The following DYSF variants were observed in gnomAD, a reference collection of about 807,000 sequenced individuals.
DYSF encodes the protein dysferlin.
In DYSF, 212 loss-of-function variants were observed where a neutral mutation model predicts 274.9. That is an observed-to-expected ratio of 0.77 (90% CI 0.69 to 0.86). DYSF has a LOEUF of 0.86. Among genes scored for constraint, DYSF ranks in the 40% least tolerant of loss-of-function variants. DYSF has a pLI of 0.00. For missense variants in DYSF, 2,666 were observed against 2,783.2 expected, an observed-to-expected ratio of 0.96 and a Z score of 0.95; for synonymous variants, 1,091 against 1,078.7, an observed-to-expected ratio of 1.01 and a Z score of -0.22.
chr2:71,465,476 C>T (rs951727832), upstream of DYSF, among the ~76,000 whole-genome samples: 2 of 152,102 alleles, frequency 1.3e-5, no homozygotes, highest in African/African-American at 4.8e-5. Context: ...TATGATTGCC[C>T]CCAGCAGTGA....
intron 42 of DYSF, among the ~76,000 whole-genome samples, chr2:71,653,628 G>A (rs1379677231): frequency 1.4e-5 from 2 of 138,486 alleles, no homozygotes; most frequent in Non-Finnish European, 3.0e-5. Context: ...CATGGACACA[G>A]GAAGGGGAAC....
At chr2:71,565,479 C>T (rs1218113627) in intron 24 of DYSF, among the ~76,000 whole-genome samples, 1 of 152,094 alleles carries the variant, frequency 6.6e-6, no homozygotes, top group African/African-American at 2.4e-5. Flanking sequence ...CAGCCTAGTC[C>T]ACCTCCCCAA....
intron 17 of DYSF, among the ~76,000 whole-genome samples, chr2:71,549,040 T>C (rs552210192): frequency 3.3e-5 from 5 of 152,198 alleles, no homozygotes; most frequent in African/African-American, 1.2e-4. Flanking sequence ...ATTCCTTGAG[T>C]GTATTGAATC....
At chr2:71,526,425 C>CTTGGGGGGGG in intron 13 of DYSF, 79 bp downstream of exon 13, 161 of 359,988 alleles carry the variant, frequency 4.5e-4, no homozygotes, top group Middle Eastern at 1.1e-3. Context: ...CGATGGCGGG[C>CTTGGGGGGGG]GGGGTCAGCT....
chr2:71,485,605 A>C (rs905844513), intron 3 of DYSF, among the ~76,000 whole-genome samples: 2 of 152,164 alleles, frequency 1.3e-5, no homozygotes, highest in Non-Finnish European at 2.9e-5. Context: ...AGGTACCTGC[A>C]AGGTAATTCT....
At chr2:71,659,098 CCTGGACA>C in intron 44 of DYSF, 65 bp downstream of exon 44, 1 of 1,604,782 alleles carries the variant, frequency 6.2e-7, no homozygotes, top group Non-Finnish European at 8.5e-7. Flanking sequence ...GCCTATAGAA[CCTGGACA>C]CAAACTCTGC....
intron 30 of DYSF, among the ~76,000 whole-genome samples, chr2:71,575,045 G>C (rs1030794562): frequency 6.6e-6 from 1 of 152,326 alleles, no homozygotes; most frequent in East Asian, 1.9e-4. Flanking sequence ...ATCCAGCCAG[G>C]ACTGGCACCT....
chr2:71,631,440 G>A (rs935812841), intron 41 of DYSF, among the ~76,000 whole-genome samples: 12 of 152,226 alleles, frequency 7.9e-5, no homozygotes, highest in African/African-American at 2.4e-4. Context: ...AATATCACCC[G>A]TTCAGAAGTG....
chr2:71,577,536 A>C (rs1354001285), intron 30 of DYSF, among the ~76,000 whole-genome samples: 2 of 135,882 alleles, frequency 1.5e-5, no homozygotes, highest in Non-Finnish European at 3.1e-5. Context: ...CCCCACTCTC[A>C]CACTAACACG....
At chr2:71,685,712 G>C (rs1301448810) in intron 55 of DYSF, among the ~76,000 whole-genome samples, 2 of 152,204 alleles carry the variant, frequency 1.3e-5, no homozygotes, top group East Asian at 3.9e-4. Context: ...GGGCCAGCGT[G>C]GGGAGGCAGG....
At chr2:71,469,879 C>T (rs1473324459) in intron 1 of DYSF, among the ~76,000 whole-genome samples, 1 of 152,156 alleles carries the variant, frequency 6.6e-6, no homozygotes. Context: ...CTTTTCTGCC[C>T]TGCCCATTTT....
In DYSF at chr2:71,570,671, A is replaced by G; in HGVS notation, c.3158A>G (p.Tyr1053Cys). Reference protein sequence around the residue: ...KHWVPAEKMYYTHRRRRWVRL... With the variant: ...KHWVPAEKMYCTHRRRRWVRL... ...TGGGTCCCTGCTGAGAAGATGTACT[A>G]CACACACCGACGGCGGCGCTGGGTG... The change falls in exon 29 of 56, where the codon TAC becomes TGC. Residue 1053 changes from tyrosine to cysteine, a missense_variant. By Grantham distance (194) the Tyr-to-Cys change is radical. Around this residue, in one of 3 missense-constraint regions of DYSF, gnomAD observed 1,460 missense variants for 1,502.1 expected, o/e 0.97. Coordinates refer to ENST00000410020, the MANE Select transcript of DYSF (RefSeq NM_001130987.2). The G allele has an allele frequency of 6.2e-7, 1 of 1,614,110 alleles. No homozygotes were observed. The highest frequency in any genetic ancestry group is 8.5e-7 in the Non-Finnish European group (1 of 1,179,992).
upstream of DYSF, among the ~76,000 whole-genome samples, chr2:71,462,090 G>T (rs1467251700): frequency 6.6e-6 from 1 of 152,118 alleles, no homozygotes; most frequent in African/African-American, 2.4e-5. Flanking sequence ...GGGCCCACTG[G>T]GCTCCTTCTG....
At chr2:71,652,860 C>T (rs1332015761) in intron 42 of DYSF, among the ~76,000 whole-genome samples, 2 of 152,158 alleles carry the variant, frequency 1.3e-5, no homozygotes, top group Non-Finnish European at 2.9e-5. Context: ...GCATATGACA[C>T]AAGTCATGGG....
At chr2:71,523,093 A>C (rs2087479865) in intron 12 of DYSF, among the ~76,000 whole-genome samples, 1 of 152,204 alleles carries the variant, frequency 6.6e-6, no homozygotes, top group Non-Finnish European at 1.5e-5. Flanking sequence ...GCCACAGTCC[A>C]GAATTGGCAC....
At chr2:71,505,538 C>T (rs747193650) in intron 4 of DYSF, among the ~76,000 whole-genome samples, 2 of 152,238 alleles carry the variant, frequency 1.3e-5, no homozygotes, top group Non-Finnish European at 2.9e-5. Context: ...AGGCTGACTG[C>T]AGACCCCGTT....
chr2:71,480,360 C>A (rs2082780140), intron 1 of DYSF, among the ~76,000 whole-genome samples: 1 of 145,914 alleles, frequency 6.9e-6, no homozygotes, highest in Admixed American at 6.9e-5. Flanking sequence ...ATAGTGAGGC[C>A]CCCGTCTACA....
rs11897186 is a variant in DYSF, at chr2:71,682,233, T to C, written c.6174-297T>C. Among the ~76,000 whole-genome samples, 15,748 of 151,852 alleles carry C rather than the reference T, an allele frequency of 0.1. 1,992 individuals carry two copies. Among genetic ancestry groups the C allele is most frequent in the African/African-American group, 0.3 (12,494 of 41,342 alleles). ...GATTAAGTCCTGGGTCAGGAATGGG[T>C]GAGGGCACCAAGGAAGGTGTCCTGG... On this transcript the variant is annotated intron_variant, in intron 54 of 55. Coordinates refer to ENST00000410020, the MANE Select transcript of DYSF (RefSeq NM_001130987.2).
chr2:71,649,924 ACAG>A (rs756587081), intron 42 of DYSF, among the ~76,000 whole-genome samples: 7 of 152,236 alleles, frequency 4.6e-5, no homozygotes, highest in Non-Finnish European at 7.3e-5. Context: ...AAATTAAATG[ACAG>A]CAGAAGTCAT....
Sources: allele counts gnomAD v4.1 joint callset (sites outside exome capture counted in the v4.1 genomes callset), GRCh38; gene constraint gnomAD v4.1.1; regional missense constraint gnomAD v4.1.1; transcripts MANE v1.5; gene names NCBI Gene and HGNC (gene_info 2026-07-23, HGNC 2026-07-21).